NDUFA10: variants seen among roughly 807,000 people sequenced by gnomAD.
NDUFA10 encodes the protein NADH:ubiquinone oxidoreductase subunit A10.
A neutral mutation model predicts 47.8 loss-of-function variants in NDUFA10; 40 were observed. That is an observed-to-expected ratio of 0.84 (90% CI 0.65 to 1.09). The LOEUF is 1.09. Ranked by LOEUF, NDUFA10 falls within the 50% of genes least tolerant of loss-of-function variation. NDUFA10 has a pLI of 0.00. For missense variants in NDUFA10, 413 were observed against 451.1 expected, an observed-to-expected ratio of 0.92 and a Z score of 0.76; for synonymous variants, 183 against 172.2, an observed-to-expected ratio of 1.06 and a Z score of -0.49.
intron 4 of NDUFA10, among the ~76,000 whole-genome samples, chr2:239,936,510 C>G (rs1000608788): frequency 1.3e-5 from 2 of 152,128 alleles, no homozygotes; most frequent in African/African-American, 4.8e-5. Context: ...AAACTGCAGG[C>G]TGGGGGATGA....
At chr2:239,921,168 C>A (rs1693971075) in intron 4 of NDUFA10, among the ~76,000 whole-genome samples, 1 of 152,136 alleles carries the variant, frequency 6.6e-6, no homozygotes, top group South Asian at 2.1e-4. Context: ...GGAACCGGGG[C>A]ATGAGCCGTG....
intron 9 of NDUFA10, among the ~76,000 whole-genome samples, chr2:239,982,478 A>C (rs948107675): frequency 2.0e-5 from 3 of 152,212 alleles, no homozygotes; most frequent in African/African-American, 7.2e-5. Context: ...AACTAAAAAC[A>C]ACTTCAACTG....
intron 4 of NDUFA10, among the ~76,000 whole-genome samples, chr2:239,947,381 C>A (rs75555754): frequency 0.027 from 4,056 of 152,312 alleles, 184 homozygotes; most frequent in African/African-American, 0.089. Flanking sequence ...CAGTGACTGT[C>A]CTGTGTGCCT....
chr2:239,990,278 A>T lies in NDUFA10; in HGVS notation c.891-96T>A, dbSNP rs1696191692. The T allele has an allele frequency of 3.2e-6, 3 of 931,500 alleles. No homozygotes were observed. The Admixed American group carries it at 5.8e-5, about 18-fold the overall frequency. 57.7% of individuals were successfully genotyped at this position (931,500 alleles called of 1,614,324 possible). A position where few individuals can be genotyped will look rare whatever the true frequency, so the allele number is the denominator to read the frequency against. ...ATTTTTTTTAAACATCCATATAAAA[A>T]ATCTATATATCCCAATAAATGCTAT... On this transcript the variant is annotated intron_variant, in intron 8 of 9. Transcript: ENST00000252711.
chr2:239,973,994 C>T (rs1279887062), intron 9 of NDUFA10, among the ~76,000 whole-genome samples: 1 of 152,140 alleles, frequency 6.6e-6, no homozygotes, highest in Non-Finnish European at 1.5e-5. Flanking sequence ...AGTGGCAATT[C>T]TGGCCCACTG....
chr2:239,934,610 A>C (rs1694232749), intron 4 of NDUFA10, among the ~76,000 whole-genome samples: 1 of 152,136 alleles, frequency 6.6e-6, no homozygotes, highest in South Asian at 2.1e-4. Flanking sequence ...TTGTACTGGG[A>C]GCATTCAACA....
chr2:239,908,767 G>A (rs1693699313), intron 4 of NDUFA10, among the ~76,000 whole-genome samples: 1 of 152,174 alleles, frequency 6.6e-6, no homozygotes, highest in Admixed American at 6.5e-5. Context: ...TTAGAGAAGG[G>A]GCCAGGCCCT....
At chr2:239,992,468 T>G (rs1417790404) in intron 8 of NDUFA10, among the ~76,000 whole-genome samples, 1 of 152,256 alleles carries the variant, frequency 6.6e-6, no homozygotes, top group Non-Finnish European at 1.5e-5. Flanking sequence ...CAGTTTCTCC[T>G]GAATTGCAAA....
intron 4 of NDUFA10, among the ~76,000 whole-genome samples, chr2:239,921,878 C>A (rs533955955): frequency 6.6e-6 from 1 of 151,744 alleles, no homozygotes; most frequent in Non-Finnish European, 1.5e-5. Context: ...ACCCTCTTCC[C>A]TCCCTCCTTC....
rs1328918323 is a variant in NDUFA10, at chr2:239,928,179, A to T, written c.295-32865T>A. ...AAAGATTCCAGGACTTTAAAAAAAA[A>T]ATAACAAAAGAAGAAAACAAATGTA... On this transcript the variant is annotated intron_variant, in intron 4 of 5. Coordinates refer to the NDUFA10 transcript ENST00000419408. This position sits in a 1 kb window ranked among gnomAD's most constrained non-coding sequence, Gnocchi z 4.3. 2.0e-5 allele frequency among the ~76,000 whole-genome samples: 3 copies of T among 151,946 alleles called. No individual in the cohort carries two copies. In the South Asian group the frequency reaches 6.2e-4, roughly 31 times the overall value.
At chr2:239,941,737 A>G (rs886874902) in intron 4 of NDUFA10, among the ~76,000 whole-genome samples, 1 of 151,770 alleles carries the variant, frequency 6.6e-6, no homozygotes, top group African/African-American at 2.4e-5. Context: ...AAAAAAAAAA[A>G]GAAAAAAAGG....
chr2:239,949,507 GTTTT>G (rs1006071002), intron 4 of NDUFA10, among the ~76,000 whole-genome samples: 12 of 152,142 alleles, frequency 7.9e-5, no homozygotes, highest in Admixed American at 6.5e-5. Flanking sequence ...CTCTCTGCCT[GTTTT>G]TTGTTTTTTG....
chr2:240,008,855 C>T (rs1215061856), intron 6 of NDUFA10, among the ~76,000 whole-genome samples: 2 of 152,230 alleles, frequency 1.3e-5, no homozygotes, highest in African/African-American at 2.4e-5. Context: ...TTTCTATCTT[C>T]TGTGCGCCTC....
chr2:239,961,502 C>G (rs10206993), intron 9 of NDUFA10, among the ~76,000 whole-genome samples: 1 of 151,980 alleles, frequency 6.6e-6, no homozygotes. Flanking sequence ...CAATGGGTGG[C>G]ACTTAGGGGA....
At chr2:239,898,918 G>GA (rs1693454876) in intron 4 of NDUFA10, among the ~76,000 whole-genome samples, 7 of 149,592 alleles carry the variant, frequency 4.7e-5, no homozygotes, top group South Asian at 2.1e-4. Flanking sequence ...GTGATGGAAG[G>GA]TTGTGATGGA....
Position 240,007,384 on chromosome 2 carries a change from C to A in NDUFA10, c.750-14G>T. On this transcript the variant is annotated splice_polypyrimidine_tract_variant and intron_variant, in intron 6 of 9. Transcript: ENST00000252711. ...TCACATTTTTCACTGTAAGAAAAAA[C>A]AAGATGAAATTCAGTGTAAACTTTT... 1 of 1,557,214 alleles carries A rather than the reference C, an allele frequency of 6.4e-7. No homozygotes were observed. Among genetic ancestry groups the A allele is most frequent in the African/African-American group, 1.3e-5 (1 of 74,098 alleles).
intron 7 of NDUFA10, among the ~76,000 whole-genome samples, chr2:240,005,662 G>A (rs1432741503): frequency 6.6e-6 from 1 of 152,152 alleles, no homozygotes; most frequent in Non-Finnish European, 1.5e-5. Flanking sequence ...TGGCCAAGAG[G>A]TAACATTTTA....
At chr2:239,942,638 C>T (rs1334404419) in intron 4 of NDUFA10, among the ~76,000 whole-genome samples, 1 of 151,824 alleles carries the variant, frequency 6.6e-6, no homozygotes, top group African/African-American at 2.4e-5. Flanking sequence ...TTTCTGTTCA[C>T]GAGCTGTGCG....
Position 239,957,769 on chromosome 2 carries a change from C to T in NDUFA10, c.*3349G>A, listed in dbSNP as rs77216981. Reference sequence around the variant, plus strand: ...GGACAAGTCCATCACTGGAGCTCCCCGGCCTCCTGGAATTCAGGTGGCAAT... The same window carrying T: ...GGACAAGTCCATCACTGGAGCTCCCTGGCCTCCTGGAATTCAGGTGGCAAT... On this transcript the variant is annotated 3_prime_UTR_variant, in exon 10 of 10. Transcript: ENST00000252711. 0.026 allele frequency: 3,986 copies of T among 152,294 alleles called. 89 individuals carry two copies. Among genetic ancestry groups the T allele is most frequent in the East Asian group, 0.086 (447 of 5,174 alleles). The allele number at this position is 152,294 out of a possible 1,614,324, so 9.4% of individuals were successfully genotyped here. A position where few individuals can be genotyped will look rare whatever the true frequency, so the allele number is the denominator to read the frequency against.
Sources: allele counts gnomAD v4.1 joint callset (sites outside exome capture counted in the v4.1 genomes callset), GRCh38; gene constraint gnomAD v4.1.1; non-coding constraint Gnocchi (gnomAD v3.1); transcripts MANE v1.5; gene names NCBI Gene and HGNC (gene_info 2026-07-23, HGNC 2026-07-21).